RARB: variants seen among roughly 807,000 people sequenced by gnomAD.
RARB encodes retinoic acid receptor beta, also known as HBV-activated protein.
In RARB, 17 loss-of-function variants were observed where a neutral mutation model predicts 51.9. The ratio of observed to expected loss-of-function variants is 0.33; its 90% CI spans 0.22 to 0.49. RARB has a LOEUF of 0.49. Ranked by LOEUF, RARB falls within the 20% of genes least tolerant of loss-of-function variation. The pLI is 0.99. For synonymous variants in RARB, 215 were observed against 195.4 expected (o/e 1.10, Z -0.84); for missense variants, 369 against 550.8 (o/e 0.67, Z 3.30).
At chr3:25,494,679 T>C (rs1696935096) in intron 2 of RARB, among the ~76,000 whole-genome samples, 2 of 152,178 alleles carry the variant, frequency 1.3e-5, no homozygotes, top group South Asian at 2.1e-4. Context: ...TCTACTCTAA[T>C]TGGCATCGAG....
At chr3:25,432,696 C>T (rs563630783) in intron 1 of RARB, among the ~76,000 whole-genome samples, 1 of 152,256 alleles carries the variant, frequency 6.6e-6, no homozygotes, top group East Asian at 1.9e-4. Flanking sequence ...GAAAGAAAAC[C>T]TGTTTTCTCC....
intron 5 of RARB, among the ~76,000 whole-genome samples, chr3:25,591,602 G>C (rs1188285980): frequency 2.6e-5 from 4 of 152,192 alleles, no homozygotes; most frequent in Non-Finnish European, 5.9e-5. Flanking sequence ...CCAGCTAATA[G>C]TAACAATTCA....
At chr3:25,478,592 C>T (rs1696075495) in intron 2 of RARB, among the ~76,000 whole-genome samples, 1 of 152,318 alleles carries the variant, frequency 6.6e-6, no homozygotes, top group African/African-American at 2.4e-5. Flanking sequence ...TACCACCCAC[C>T]TTTAAGCTGC....
Position 25,494,251 on chromosome 3 carries a change from A to ACG in RARB, c.307-6929_307-6928dup, listed in dbSNP as rs1553623165. Among the ~76,000 whole-genome samples, 438 of 77,120 alleles carry ACG rather than the reference A, an allele frequency of 5.7e-3. 1 individual carries two copies. The highest frequency in any genetic ancestry group is 0.042 in the African/African-American group (427 of 10,048). 50.6% of individuals were successfully genotyped at this position (77,120 alleles called of 152,430 possible). A position where few individuals can be genotyped will look rare whatever the true frequency, so the allele number is the denominator to read the frequency against. On this transcript the variant is annotated intron_variant, in intron 2 of 7. Transcript: ENST00000330688. ...TAGCCCCCTTTTCCAGCTGTATCTTACGCACACACACACACACACACACAC... is the reference window on the plus strand; with the variant it reads ...TAGCCCCCTTTTCCAGCTGTATCTTACGCGCACACACACACACACACACACAC...
intron 3 of RARB, among the ~76,000 whole-genome samples, chr3:25,538,271 C>T (rs1323788102): frequency 3.3e-5 from 5 of 152,138 alleles, no homozygotes; most frequent in Non-Finnish European, 4.4e-5. Flanking sequence ...TTATATAGAA[C>T]TTTCTTGTTA....
intron 1 of RARB, among the ~76,000 whole-genome samples, chr3:25,430,988 C>CTT (rs11360533): frequency 4.6e-4 from 48 of 105,150 alleles, no homozygotes; most frequent in African/African-American, 6.4e-4. Context: ...AAAACTAAAA[C>CTT]TTTTTTTTTT....
Position 25,066,604 on chromosome 3 carries a change from A to AACAC in RARB, c.-328+6453_-328+6456dup, listed in dbSNP as rs5847340. On this transcript the variant is annotated intron_variant, in intron 3 of 11. Transcript: ENST00000383772. ...ATGCATATGTGCACACGCACACATA[A>AACAC]ACACACACACACACACACACACACA... is the stretch of plus-strand genomic sequence containing the variant. Among the ~76,000 whole-genome samples the AACAC allele has an allele frequency of 3.0e-3, 445 of 146,812 alleles. 5 individuals are homozygous for AACAC. Among genetic ancestry groups the AACAC allele is most frequent in the East Asian group, 0.017 (83 of 5,018 alleles).
chr3:25,596,365 C>T (rs1353433698), intron 7 of RARB, 55 bp from the exon 8 acceptor site: 8 of 1,365,154 alleles, frequency 5.9e-6, no homozygotes, highest in Non-Finnish European at 8.1e-6. Context: ...CCCTGGTTAT[C>T]TGTCATAGCT....
intron 1 of RARB, among the ~76,000 whole-genome samples, chr3:24,836,802 C>T (rs933445917): frequency 2.0e-5 from 3 of 152,084 alleles, no homozygotes; most frequent in South Asian, 2.1e-4. Context: ...GAAAAATTCA[C>T]GTTAGGAAAA....
intron 3 of RARB, among the ~76,000 whole-genome samples, chr3:25,073,234 G>A (rs1272115213): frequency 1.3e-5 from 2 of 152,168 alleles, no homozygotes; most frequent in African/African-American, 4.8e-5. Context: ...TCATGAAGGA[G>A]GTAACAAGAC....
chr3:24,950,267 A>T (rs917832522), intron 2 of RARB, among the ~76,000 whole-genome samples: 1 of 152,222 alleles, frequency 6.6e-6, no homozygotes, highest in East Asian at 1.9e-4. Flanking sequence ...CATTTAAAAC[A>T]TTACAGCCAT....
chr3:25,179,373 A>C (rs1700818512), intron 5 of RARB, among the ~76,000 whole-genome samples: 1 of 152,196 alleles, frequency 6.6e-6, no homozygotes, highest in Admixed American at 6.5e-5. Flanking sequence ...TTTACTCCAT[A>C]GTCTTGTCTT....
At chr3:24,887,088 G>A (rs1703281792) in intron 2 of RARB, among the ~76,000 whole-genome samples, 1 of 152,166 alleles carries the variant, frequency 6.6e-6, no homozygotes, top group Non-Finnish European at 1.5e-5. Context: ...TATTCTGAAT[G>A]CCTGAAGATT....
chr3:25,098,295 C>G (rs1699338533), intron 3 of RARB, among the ~76,000 whole-genome samples: 1 of 152,192 alleles, frequency 6.6e-6, no homozygotes, highest in African/African-American at 2.4e-5. Context: ...ATTTTCATAA[C>G]CACTTGGCTC....
chr3:25,191,468 G>C (rs1230446140), intron 5 of RARB, among the ~76,000 whole-genome samples: 1 of 152,060 alleles, frequency 6.6e-6, no homozygotes, highest in African/African-American at 2.4e-5. Context: ...ACCTCACTTA[G>C]GGTGATGCCT....
intron 2 of RARB, among the ~76,000 whole-genome samples, chr3:25,057,252 A>G (rs939427214): frequency 1.3e-5 from 2 of 152,036 alleles, no homozygotes; most frequent in Admixed American, 1.3e-4. Flanking sequence ...GAAACTTAGG[A>G]TTCTTTTGCA....
Position 25,418,320 on chromosome 3 carries a change from C to T in RARB, c.179-42873C>T, listed in dbSNP as rs115066549. On this transcript the variant is annotated intron_variant, in intron 5 of 11. Coordinates refer to the RARB transcript ENST00000383772. ...TCTATTTCTATCGAATGTGTGAATA[C>T]TAATGCCAAACATTACATGGTACCA... 8.7e-3 allele frequency among the ~76,000 whole-genome samples: 1,327 copies of T among 152,204 alleles called. 6 individuals are homozygous for T. The highest frequency in any genetic ancestry group is 0.021 in the Middle Eastern group (6 of 292).
intron 5 of RARB, among the ~76,000 whole-genome samples, chr3:25,209,374 C>T (rs561653084): frequency 3.9e-5 from 6 of 152,266 alleles, no homozygotes; most frequent in Middle Eastern, 3.4e-3. Flanking sequence ...GAAGACACTA[C>T]AGAGTTTATT....
At chr3:24,919,491 T>G (rs539344989) in intron 2 of RARB, among the ~76,000 whole-genome samples, 1 of 146,278 alleles carries the variant, frequency 6.8e-6, no homozygotes, top group African/African-American at 2.8e-5. Flanking sequence ...CTGTAACCAA[T>G]CCGGCTGTTT....
Sources: gnomAD v4.1 joint callset for allele counts (sites outside exome capture counted in the v4.1 genomes callset) on GRCh38, gnomAD v4.1.1 for gene constraint, MANE v1.5 for transcripts, NCBI Gene and HGNC (gene_info 2026-07-23, HGNC 2026-07-21) for gene names.